The following ACCSL variants were observed in gnomAD, a reference collection of about 807,000 sequenced individuals.
The protein encoded by ACCSL is probable inactive 1-aminocyclopropane-1-carboxylate synthase-like protein 2.
A neutral mutation model predicts 61.7 loss-of-function variants in ACCSL; 55 were observed. That is an observed-to-expected ratio of 0.89 (90% CI 0.72 to 1.12). The LOEUF is 1.12. Ranked by LOEUF, ACCSL falls within the 50% of genes most tolerant of loss-of-function variation. The pLI is 0.00. For missense variants in ACCSL, 632 were observed against 698.0 expected, an observed-to-expected ratio of 0.91 and a Z score of 1.07; for synonymous variants, 258 against 264.3, an observed-to-expected ratio of 0.98 and a Z score of 0.23.
the ACCSL span, among the ~76,000 whole-genome samples, chr11:43,956,674 C>T: frequency 1.3e-5 from 2 of 152,196 alleles, no homozygotes; most frequent in African/African-American, 4.8e-5. Context: ...CCACCTTGGC[C>T]TCCCAAAGTG....
the ACCSL span, among the ~76,000 whole-genome samples, chr11:43,978,846 G>A: frequency 8.5e-6 from 1 of 117,158 alleles, no homozygotes; most frequent in Non-Finnish European, 1.6e-5. Flanking sequence ...TCCTCTCCCA[G>A]TTCTGTGTTC....
the ACCSL span, among the ~76,000 whole-genome samples, chr11:43,979,878 A>T: frequency 1.3e-5 from 2 of 151,606 alleles, no homozygotes; most frequent in African/African-American, 2.4e-5. Context: ...AAAGAAAAAA[A>T]AATTGGCAAC....
chr11:43,928,548 C>T, the ACCSL span, among the ~76,000 whole-genome samples: 3 of 152,216 alleles, frequency 2.0e-5, no homozygotes, highest in East Asian at 1.9e-4. Context: ...CCGGTCTCTG[C>T]CAGCCGCCAG....
chr11:43,982,912 C>T, the ACCSL span, among the ~76,000 whole-genome samples: 2 of 152,180 alleles, frequency 1.3e-5, no homozygotes, highest in African/African-American at 4.8e-5. Context: ...TACAGCTGGC[C>T]TCTGCCCAGG....
the ACCSL span, among the ~76,000 whole-genome samples, chr11:43,948,978 G>C: frequency 6.6e-6 from 1 of 152,216 alleles, no homozygotes; most frequent in East Asian, 1.9e-4. Context: ...TCTTTGTTGT[G>C]GTCTTTGGTT....
chr11:43,928,798 GAGTT>G, the ACCSL span, among the ~76,000 whole-genome samples: 1 of 152,234 alleles, frequency 6.6e-6, no homozygotes, highest in African/African-American at 2.4e-5. Context: ...TCGGGAAAGA[GAGTT>G]AGGGAGGCTG....
At chr11:43,980,958 T>C in the ACCSL span, among the ~76,000 whole-genome samples, 1 of 152,216 alleles carries the variant, frequency 6.6e-6, no homozygotes, top group Non-Finnish European at 1.5e-5. Context: ...CATCACTGCA[T>C]GGCCTCCCTC....
At chr11:44,059,181 G>T (rs1952691289) in intron 13 of ACCSL, among the ~76,000 whole-genome samples, 1 of 152,228 alleles carries the variant, frequency 6.6e-6, no homozygotes, top group Non-Finnish European at 1.5e-5. Context: ...GGTGGAGGTT[G>T]CAGTGAGCTG....
chr11:44,017,128 A>G, the ACCSL span, among the ~76,000 whole-genome samples: 1 of 152,168 alleles, frequency 6.6e-6, no homozygotes, highest in South Asian at 2.1e-4. Context: ...CAGCCACCCA[A>G]TACCCAATGG....
the ACCSL span, among the ~76,000 whole-genome samples, chr11:43,974,385 C>T: frequency 6.6e-6 from 1 of 152,200 alleles, no homozygotes; most frequent in South Asian, 2.1e-4. Flanking sequence ...TTTATCTCCA[C>T]TGGTCTTCTT....
chr11:43,958,831 G>T, the ACCSL span, among the ~76,000 whole-genome samples: 8 of 152,238 alleles, frequency 5.3e-5, no homozygotes, highest in African/African-American at 1.9e-4. Context: ...CAGCTTCCAG[G>T]CTTTCTCTGA....
the ACCSL span, among the ~76,000 whole-genome samples, chr11:43,961,070 C>T: frequency 1.3e-5 from 2 of 152,224 alleles, no homozygotes; most frequent in Non-Finnish European, 2.9e-5. Flanking sequence ...ATCCTCCCGC[C>T]TCGGCCTTCC....
the ACCSL span, among the ~76,000 whole-genome samples, chr11:43,936,926 C>T: frequency 6.6e-6 from 1 of 152,052 alleles, no homozygotes; most frequent in Non-Finnish European, 1.5e-5. Flanking sequence ...TGAGCAGGGC[C>T]CAAGACCCAG....
At chr11:44,020,750 C>A in the ACCSL span, among the ~76,000 whole-genome samples, 1 of 151,994 alleles carries the variant, frequency 6.6e-6, no homozygotes, top group Non-Finnish European at 1.5e-5. Flanking sequence ...TACACTTTAC[C>A]CATGCATAGT....
At chr11:43,991,062 CTG>C in the ACCSL span, among the ~76,000 whole-genome samples, 7 of 151,024 alleles carry the variant, frequency 4.6e-5, no homozygotes, top group Non-Finnish European at 8.8e-5. Context: ...CAGAGTGAGA[CTG>C]TGTCTCAAAA....
At chr11:44,026,978 T>C in the ACCSL span, among the ~76,000 whole-genome samples, 17 of 152,358 alleles carry the variant, frequency 1.1e-4, no homozygotes, top group Admixed American at 7.8e-4. Flanking sequence ...TCCACCCGCC[T>C]TGGCCTCCCA....
the ACCSL span, among the ~76,000 whole-genome samples, chr11:43,979,275 T>C: frequency 3.9e-5 from 6 of 152,200 alleles, no homozygotes; most frequent in South Asian, 1.2e-3. Context: ...AAGGCTACAG[T>C]GAGCTGTGAT....
chr11:44,057,795 G>T (rs1952680704), intron 11 of ACCSL, among the ~76,000 whole-genome samples: 1 of 152,226 alleles, frequency 6.6e-6, no homozygotes, highest in Non-Finnish European at 1.5e-5. Flanking sequence ...CCTTTGAGAA[G>T]CCCAGTGTCT....
chr11:43,964,436 C>CAAAAAAAAA, the ACCSL span, among the ~76,000 whole-genome samples: 1 of 77,174 alleles, frequency 1.3e-5, no homozygotes, highest in African/African-American at 4.6e-5. Context: ...GACATTGTCT[C>CAAAAAAAAA]AAAAAAAAAA....
Sources: gnomAD v4.1 joint callset for allele counts (sites outside exome capture counted in the v4.1 genomes callset) on GRCh38, gnomAD v4.1.1 for gene constraint, MANE v1.5 for transcripts, NCBI Gene and HGNC (gene_info 2026-07-23, HGNC 2026-07-21) for gene names.